NUP210L: variants seen among roughly 807,000 people sequenced by gnomAD.
The protein encoded by NUP210L is nucleoporin 210 like, also known as nuclear pore membrane glycoprotein 210-like.
NUP210L carries 74 observed loss-of-function variants against 208.5 expected under a neutral mutation model. The observed-to-expected ratio is 0.35, with a 90% CI of 0.29 to 0.43. The LOEUF (loss-of-function observed/expected upper bound fraction) is 0.43. Ranked by LOEUF, NUP210L falls within the 20% of genes least tolerant of loss-of-function variation. The pLI is 1.00. For missense variants in NUP210L, 1,843 were observed against 2,289.4 expected (o/e 0.81, Z 3.98); for synonymous variants, 780 against 816.9 (o/e 0.95, Z 0.77).
intron 10 of NUP210L, among the ~76,000 whole-genome samples, chr1:154,120,497 A>T (rs2148103941): frequency 6.6e-6 from 1 of 152,176 alleles, no homozygotes; most frequent in African/African-American, 2.4e-5. Context: ...GGAGGGGGGA[A>T]GGATAGCATT....
At chr1:154,138,038 TTGC>T in intron 6 of NUP210L, 65 bp downstream of exon 6, 1 of 1,127,602 alleles carries the variant, frequency 8.9e-7, no homozygotes, top group Admixed American at 2.9e-5. Flanking sequence ...TAATGTGGAG[TTGC>T]TGATCTTGTC....
exon 32 of NUP210L, chr1:154,022,291 G>T: frequency 6.2e-7 from 1 of 1,614,124 alleles, no homozygotes; most frequent in Non-Finnish European, 8.5e-7. Flanking sequence ...TTCACAGCCT[G>T]GGCCATGTAA....
chr1:154,012,134 C>T, intron 34 of NUP210L, 110 bp downstream of exon 34: 4 of 1,048,166 alleles, frequency 3.8e-6, no homozygotes, highest in Non-Finnish European at 5.6e-6. Context: ...AAGATGGAGT[C>T]AGTTTTGAAA....
intron 27 of NUP210L, among the ~76,000 whole-genome samples, chr1:154,033,009 G>A (rs926469619): frequency 8.7e-5 from 13 of 148,806 alleles, no homozygotes; most frequent in South Asian, 2.1e-4. Context: ...AAGAAAAAAA[G>A]AAAGAAAGAA....
intron 10 of NUP210L, among the ~76,000 whole-genome samples, chr1:154,123,084 T>C (rs1359339360): frequency 6.7e-6 from 1 of 149,652 alleles, no homozygotes; most frequent in Non-Finnish European, 1.5e-5. Context: ...AAAAAACTAC[T>C]AGAGCTAATA....
At chr1:154,054,085 C>T (rs1571217581) in intron 25 of NUP210L, 143 bp downstream of exon 25, 2 of 707,816 alleles carry the variant, frequency 2.8e-6, no homozygotes, top group East Asian at 5.4e-5. Context: ...TTTTCCATGC[C>T]TGGTTGACAG....
chr1:154,125,934 A>AT lies in NUP210L; in HGVS notation c.1326+388dup, dbSNP rs557367319. Among the ~76,000 whole-genome samples, 1,100 of 150,740 alleles carry AT rather than the reference A, an allele frequency of 7.3e-3. 10 individuals carry two copies. Among genetic ancestry groups the AT allele is most frequent in the African/African-American group, 0.026 (1,057 of 41,164 alleles). On this transcript the variant is annotated intron_variant, in intron 10 of 39. Coordinates refer to ENST00000368559, the Ensembl canonical transcript of NUP210L. ...AGGCGCCCGCCACCGCGCCCGGCTAATTTTTTTGTATTTTTAGTAGAGACG... is the reference window on the plus strand; with the variant it reads ...AGGCGCCCGCCACCGCGCCCGGCTAATTTTTTTTGTATTTTTAGTAGAGACG...
chr1:154,017,103 A>G, intron 33 of NUP210L, among the ~76,000 whole-genome samples: 1 of 152,154 alleles, frequency 6.6e-6, no homozygotes, highest in East Asian at 1.9e-4. Context: ...CAACATGGTG[A>G]AACCCTGTCT....
At chr1:154,127,175 C>A in intron 9 of NUP210L, 136 bp downstream of exon 9, 12 of 426,854 alleles carry the variant, frequency 2.8e-5, no homozygotes, top group South Asian at 1.9e-4. Flanking sequence ...AATAAATTAG[C>A]AACTTGCTTT....
chr1:154,027,765 C>T (rs1411373771), intron 28 of NUP210L, among the ~76,000 whole-genome samples, 168 bp from the exon 29 acceptor site: 1 of 152,166 alleles, frequency 6.6e-6, no homozygotes, highest in Non-Finnish European at 1.5e-5. Flanking sequence ...CAATACTCCT[C>T]TCCAAAATGA....
intron 17 of NUP210L, among the ~76,000 whole-genome samples, chr1:154,066,470 G>A (rs1654420730): frequency 1.3e-5 from 2 of 152,166 alleles, no homozygotes; most frequent in South Asian, 4.1e-4. Context: ...AATTAGCCGG[G>A]TGCGGTGGCG....
intron 17 of NUP210L, among the ~76,000 whole-genome samples, chr1:154,067,757 T>C (rs532357727): frequency 2.0e-5 from 3 of 152,124 alleles, no homozygotes; most frequent in Non-Finnish European, 2.9e-5. Flanking sequence ...TCTCAGGATA[T>C]AAAATCAATG....
At chr1:154,118,042 C>T (rs573236878) in intron 11 of NUP210L, among the ~76,000 whole-genome samples, 162 bp from the exon 12 acceptor site, 1 of 152,098 alleles carries the variant, frequency 6.6e-6, no homozygotes, top group African/African-American at 2.4e-5. Context: ...GGGCATGGTG[C>T]CTTACACCTG....
At chr1:154,099,471 C>T (rs1656350866) in intron 14 of NUP210L, among the ~76,000 whole-genome samples, 2 of 152,166 alleles carry the variant, frequency 1.3e-5, no homozygotes, top group Non-Finnish European at 2.9e-5. Flanking sequence ...CCATCAGAAC[C>T]ACTTATCATA....
chr1:154,155,069 C>G (rs1239443524), exon 1 of NUP210L: 1 of 1,548,322 alleles, frequency 6.5e-7, no homozygotes. Context: ...CTCGGGTTCC[C>G]GCTCAACTAC....
At chr1:154,000,281 C>A (rs921591852) in intron 37 of NUP210L, among the ~76,000 whole-genome samples, 1 of 152,154 alleles carries the variant, frequency 6.6e-6, no homozygotes, top group Non-Finnish European at 1.5e-5. Context: ...TTCCCATTAA[C>A]TAAACTGTGA....
exon 33 of NUP210L, chr1:154,018,961 A>G (rs749246922): frequency 6.2e-7 from 1 of 1,614,098 alleles, no homozygotes; most frequent in South Asian, 1.1e-5. Flanking sequence ...TACTCCTGGG[A>G]TGTCATGAAA....
chr1:154,060,867 T>A (rs1654100549), intron 19 of NUP210L, 75 bp downstream of exon 19: 7 of 1,063,908 alleles, frequency 6.6e-6, no homozygotes, highest in Non-Finnish European at 9.9e-6. Flanking sequence ...GTAAGTTTTT[T>A]AATTGTTATG....
At chr1:154,023,148 A>G (rs146913507) in exon 31 of NUP210L, 35 of 1,613,756 alleles carry the variant, frequency 2.2e-5, no homozygotes, top group Admixed American at 1.0e-4. Context: ...AAAGCTGGGT[A>G]TTGTGTGTGT....
Sources: gnomAD v4.1 joint callset for allele counts (sites outside exome capture counted in the v4.1 genomes callset) on GRCh38, gnomAD v4.1.1 for gene constraint, MANE v1.5 for transcripts, NCBI Gene and HGNC (gene_info 2026-07-23, HGNC 2026-07-21) for gene names.